The following CHRM5 variants were observed in gnomAD, a reference collection of about 807,000 sequenced individuals.
The protein encoded by CHRM5 is muscarinic acetylcholine receptor M5.
In CHRM5, 18 loss-of-function variants were observed where a neutral mutation model predicts 39.0. That is an observed-to-expected ratio of 0.46 (90% confidence interval 0.32 to 0.68). The LOEUF is 0.68. Ranked by LOEUF, CHRM5 falls within the 30% of genes least tolerant of loss-of-function variation. The probability of loss-of-function intolerance (pLI) is 0.04; values close to 1 mark genes in which losing one functional copy is unlikely to be tolerated. For synonymous variants in CHRM5, 241 were observed against 246.3 expected, an observed-to-expected ratio of 0.98 and a Z score of 0.20; for missense variants, 515 against 651.1, an observed-to-expected ratio of 0.79 and a Z score of 2.28.
chr15:34,038,989 G>A, intron 1 of CHRM5: 3 of 1,115,942 alleles, frequency 2.7e-6, no homozygotes, highest in South Asian at 3.8e-5. Flanking sequence ...TCTCCGCCAG[G>A]CCGGCCGCGG....
Position 33,968,645 on chromosome 15 carries a change from A to AAAGG in CHRM5, c.-909_-906dup, listed in dbSNP as rs1277100357. 1 of 152,152 alleles carries AAAGG rather than the reference A, an allele frequency of 6.6e-6. No homozygotes were observed. Among genetic ancestry groups the AAAGG allele is most frequent in the Non-Finnish European group, 1.5e-5 (1 of 67,986 alleles). The allele number at this position is 152,152 out of a possible 1,614,324, so 9.4% of individuals were successfully genotyped here. On this transcript the variant is annotated 5_prime_UTR_variant, in exon 1 of 3. It introduces an in-frame stop codon into an upstream open reading frame of the 5' UTR. Transcript: ENST00000383263. ...GAAGAAATGCCTTCATCTTCTACAG[A>AAAGG]AAGGAAGCTGATGGACTGAAAAGTT...
At chr15:34,022,991 G>C (rs1317120511) in intron 1 of CHRM5, among the ~76,000 whole-genome samples, 2 of 152,178 alleles carry the variant, frequency 1.3e-5, no homozygotes, top group Non-Finnish European at 2.9e-5. Flanking sequence ...TTCAAGACTA[G>C]CTTGGCCAAC....
chr15:34,044,525 C>T (rs1597384453), intron 1 of CHRM5, among the ~76,000 whole-genome samples: 1 of 152,210 alleles, frequency 6.6e-6, no homozygotes, highest in Non-Finnish European at 1.5e-5. Flanking sequence ...CAGATTCTCA[C>T]ATAACTTTGT....
At chr15:34,024,472 CAA>C (rs10531898) in intron 1 of CHRM5, among the ~76,000 whole-genome samples, 41,822 of 100,976 alleles carry the variant, frequency 0.41, 7,360 homozygotes, top group Non-Finnish European at 0.52. Context: ...GACCCTGTCT[CAA>C]AAAAAAAAAA....
At chr15:34,012,762 A>G (rs922405287) in intron 1 of CHRM5, among the ~76,000 whole-genome samples, 1 of 152,218 alleles carries the variant, frequency 6.6e-6, no homozygotes, top group Non-Finnish European at 1.5e-5. Flanking sequence ...TAACAAGTAA[A>G]GCATTACTGA....
At position 33,983,160 on chromosome 15, in the gene CHRM5, A is replaced by ATGTGTG. The variant is rs1491327104; in HGVS notation, c.-408+14016_-408+14021dup. Reference sequence around the variant, plus strand: ...TGTGTGTGTGTGTGTGTGTGTGTGTATGTGTGTGTGTATATATACACACGT... The same window carrying ATGTGTG: ...TGTGTGTGTGTGTGTGTGTGTGTGTATGTGTGTGTGTGTGTGTATATATACACACGT... On this transcript the variant is annotated intron_variant, in intron 1 of 2. Coordinates refer to ENST00000383263, the MANE Select transcript of CHRM5 (RefSeq NM_012125.4). Among the ~76,000 whole-genome samples the ATGTGTG allele has an allele frequency of 6.5e-3, 422 of 64,586 alleles. 4 individuals carry two copies. The highest frequency in any genetic ancestry group is 0.034 in the African/African-American group (407 of 12,146). 42.4% of individuals were successfully genotyped at this position (64,586 alleles called of 152,430 possible). A position where few individuals can be genotyped will look rare whatever the true frequency, so the allele number is the denominator to read the frequency against.
At chr15:34,003,040 C>G (rs1310333050) in intron 1 of CHRM5, 4 of 1,613,306 alleles carry the variant, frequency 2.5e-6, no homozygotes, top group Admixed American at 3.3e-5. Flanking sequence ...ACCTGCAGAG[C>G]TAAGGAGGAC....
Position 34,063,890 on chromosome 15 carries a change from G to A in CHRM5, c.1173G>A (p.Gln391=). The change falls in exon 3 of 3, where the codon CAG becomes CAA. Residue 391 remains glutamine (Q), a synonymous_variant. Transcript: ENST00000383263. This position sits in a 1 kb window ranked among gnomAD's most constrained non-coding sequence, Gnocchi z 4.1. The part of the protein sequence containing the change: ...FRLVVKADGN[Q]ETNNGCHKVK... ...TGGTGGTAAAAGCTGACGGGAACCA[G>A]GAGACCAACAATGGCTGTCACAAGG... The A allele has an allele frequency of 6.2e-7, 1 of 1,614,196 alleles. No homozygotes were observed. Among genetic ancestry groups the A allele is most frequent in the South Asian group, 1.1e-5 (1 of 91,086 alleles).
At chr15:34,029,800 A>G (rs1366782776) in intron 1 of CHRM5, among the ~76,000 whole-genome samples, 3 of 152,228 alleles carry the variant, frequency 2.0e-5, no homozygotes, top group South Asian at 2.1e-4. Flanking sequence ...GACTTCTTTA[A>G]TAATATAAGA....
intron 1 of CHRM5, among the ~76,000 whole-genome samples, chr15:33,990,358 G>T (rs1422249158): frequency 6.6e-6 from 1 of 152,076 alleles, no homozygotes; most frequent in African/African-American, 2.4e-5. Flanking sequence ...CTCCAGCATG[G>T]GCGACAGAGT....
At chr15:34,041,483 A>G (rs1370894036) in intron 1 of CHRM5, among the ~76,000 whole-genome samples, 1 of 152,220 alleles carries the variant, frequency 6.6e-6, no homozygotes, top group Non-Finnish European at 1.5e-5. Context: ...AAGGAACTAT[A>G]TAACTATCCC....
chr15:33,977,601 A>T (rs1045092321), intron 1 of CHRM5, among the ~76,000 whole-genome samples: 2 of 152,196 alleles, frequency 1.3e-5, no homozygotes, highest in East Asian at 3.9e-4. Flanking sequence ...GATGGTACAT[A>T]CATATTTTCC....
chr15:34,041,647 T>G (rs967049715), intron 1 of CHRM5, among the ~76,000 whole-genome samples: 7 of 152,190 alleles, frequency 4.6e-5, no homozygotes, highest in Admixed American at 4.6e-4. Context: ...AGAGAGAGAT[T>G]GGTTTGTGGA....
At chr15:34,062,413 G>A (rs377275336) in intron 2 of CHRM5, among the ~76,000 whole-genome samples, 3 of 152,144 alleles carry the variant, frequency 2.0e-5, no homozygotes, top group African/African-American at 7.2e-5. Flanking sequence ...AAAATAGCTG[G>A]GCGTGGTGGT....
Position 34,045,314 on chromosome 15 carries a change from T to C in CHRM5, c.-407-1226T>C, listed in dbSNP as rs1274580234. Among the ~76,000 whole-genome samples, 3 of 152,220 alleles carry C rather than the reference T, an allele frequency of 2.0e-5. No homozygotes were observed. The East Asian group carries it at 5.8e-4, about 29-fold the overall frequency. ...TCTGGATATTATTGCTTCAGAGGTA[T>C]TAAGAGGTCATTTCTTAATCACCAC... On this transcript the variant is annotated intron_variant, in intron 1 of 2. Coordinates refer to ENST00000383263, the MANE Select transcript of CHRM5 (RefSeq NM_012125.4).
chr15:34,044,635 C>T (rs1899617441), intron 1 of CHRM5, among the ~76,000 whole-genome samples: 1 of 152,224 alleles, frequency 6.6e-6, no homozygotes, highest in Admixed American at 6.5e-5. Flanking sequence ...CTGCTCCCAA[C>T]AGAAGGGGAC....
At position 34,031,168 on chromosome 15, in the gene CHRM5, A is replaced by ATTTTTTT. The variant is rs34414446; in HGVS notation, c.-407-15355_-407-15349dup. Among the ~76,000 whole-genome samples the ATTTTTTT allele has an allele frequency of 1.5e-3, 100 of 67,592 alleles. 7 individuals carry two copies. The highest frequency in any genetic ancestry group is 3.0e-3 in the African/African-American group (50 of 16,556). 44.3% of individuals were successfully genotyped at this position (67,592 alleles called of 152,430 possible). On this transcript the variant is annotated intron_variant, in intron 1 of 2. Transcript: ENST00000383263. Reference sequence around the variant, plus strand: ...TCCCAATTATGCTTTGCTTAGGTTAATTTTTTTTTTTTTTTTTTTTTTTGA... The same window carrying ATTTTTTT: ...TCCCAATTATGCTTTGCTTAGGTTAATTTTTTTTTTTTTTTTTTTTTTTTTTTTTTGA...
intron 1 of CHRM5, among the ~76,000 whole-genome samples, chr15:34,037,890 T>C (rs1899223607): frequency 1.3e-5 from 2 of 152,214 alleles, no homozygotes; most frequent in African/African-American, 4.8e-5. Flanking sequence ...AAAGAATTTT[T>C]TAAATCAGTG....
intron 1 of CHRM5, among the ~76,000 whole-genome samples, chr15:34,028,360 T>A (rs946539335): frequency 1.3e-5 from 2 of 151,956 alleles, no homozygotes; most frequent in African/African-American, 4.8e-5. Context: ...AGCCCAGGAG[T>A]TCGAGAGCAG....
Sources: gnomAD v4.1 joint callset for allele counts (sites outside exome capture counted in the v4.1 genomes callset) on GRCh38, gnomAD v4.1.1 for gene constraint, Gnocchi (gnomAD v3.1) non-coding constraint, MANE v1.5 for transcripts, NCBI Gene and HGNC (gene_info 2026-07-23, HGNC 2026-07-21) for gene names.